MAGI1: variants seen among roughly 807,000 people sequenced by gnomAD.
The protein encoded by MAGI1 is membrane associated guanylate kinase, WW and PDZ domain containing 1.
A neutral mutation model predicts 139.9 loss-of-function variants in MAGI1; 58 were observed. The observed-to-expected ratio is 0.41, with a 90% confidence interval of 0.34 to 0.52. The LOEUF (loss-of-function observed/expected upper bound fraction) is 0.52, where lower values mean the gene tolerates loss of function less well. MAGI1 is among the 20% of genes least tolerant of loss of function. The pLI is 0.12. For synonymous variants in MAGI1, 812 were observed against 737.9 expected (o/e 1.10, Z -1.63); for missense variants, 1,874 against 1,901.6 (o/e 0.99, Z 0.27).
intron 1 of MAGI1, among the ~76,000 whole-genome samples, chr3:65,969,286 G>C (rs925943330): frequency 2.0e-5 from 3 of 152,130 alleles, no homozygotes; most frequent in Admixed American, 6.5e-5. Flanking sequence ...CCATTTCACC[G>C]GGAGCGGAGT....
At chr3:65,588,893 A>T (rs1036068843) in intron 2 of MAGI1, among the ~76,000 whole-genome samples, 1 of 152,210 alleles carries the variant, frequency 6.6e-6, no homozygotes, top group East Asian at 1.9e-4. Context: ...ATTAAGAAAT[A>T]AATATTTATA....
chr3:65,702,230 G>T (rs888722151), intron 1 of MAGI1, among the ~76,000 whole-genome samples: 2 of 152,102 alleles, frequency 1.3e-5, no homozygotes, highest in East Asian at 1.9e-4. Flanking sequence ...AGCTTATAAG[G>T]CCTCACCCTA....
chr3:65,558,311 T>C (rs1325827015), intron 2 of MAGI1, among the ~76,000 whole-genome samples: 3 of 152,168 alleles, frequency 2.0e-5, no homozygotes, highest in Non-Finnish European at 2.9e-5. Flanking sequence ...CTATGACTAT[T>C]GGTTGCAAGT....
chr3:65,407,332 A>T (rs1023299612), intron 12 of MAGI1, among the ~76,000 whole-genome samples: 2 of 152,000 alleles, frequency 1.3e-5, no homozygotes, highest in Non-Finnish European at 2.9e-5. Context: ...CTGTAATCCC[A>T]GCTACTCGGG....
rs532940873 is a variant in MAGI1 at position 65,645,871 on chromosome 3, T to G, written c.314-23783A>C. On this transcript the variant is annotated intron_variant, in intron 1 of 22. Transcript: ENST00000402939. ...AGCCCTTTTAGTATTATATATAATG[T>G]AACACATAAAGCAATACTAAAAAGG... Among the ~76,000 whole-genome samples the G allele has an allele frequency of 5.3e-5, 8 of 152,054 alleles. No homozygotes were observed. The East Asian group carries it at 1.5e-3, about 29-fold the overall frequency.
At chr3:65,617,040 C>G (rs1380165311) in intron 2 of MAGI1, among the ~76,000 whole-genome samples, 1 of 152,170 alleles carries the variant, frequency 6.6e-6, no homozygotes, top group Non-Finnish European at 1.5e-5. Context: ...TGCTAAAATG[C>G]CCTTTTGAAT....
intron 2 of MAGI1, chr3:65,499,060 TAA>T (rs60116533): frequency 1.1e-4 from 97 of 858,320 alleles, no homozygotes; most frequent in East Asian, 1.3e-4. Flanking sequence ...AAACCGCTCT[TAA>T]AAAAAAAAAA....
intron 1 of MAGI1, among the ~76,000 whole-genome samples, chr3:65,796,586 G>A (rs911378307): frequency 1.3e-5 from 2 of 152,148 alleles, no homozygotes; most frequent in South Asian, 4.2e-4. Flanking sequence ...GGGCAAGTTA[G>A]CTATTAATAA....
intron 1 of MAGI1, among the ~76,000 whole-genome samples, chr3:65,907,002 T>G (rs1307539858): frequency 6.6e-6 from 1 of 151,932 alleles, no homozygotes; most frequent in Non-Finnish European, 1.5e-5. Context: ...ATTTCCCTTT[T>G]GTCTCTAGCA....
intron 2 of MAGI1, among the ~76,000 whole-genome samples, chr3:65,501,643 T>C (rs2077087708): frequency 6.6e-6 from 1 of 152,128 alleles, no homozygotes; most frequent in Admixed American, 6.6e-5. Context: ...GGAAAGAGTT[T>C]GGCAGTTAGT....
chr3:65,702,576 G>A (rs2089690033), intron 1 of MAGI1, among the ~76,000 whole-genome samples: 1 of 151,878 alleles, frequency 6.6e-6, no homozygotes, highest in African/African-American at 2.4e-5. Context: ...TGGTCTTTTT[G>A]CTTGTTCTTT....
chr3:65,813,333 C>T (rs2016568), intron 1 of MAGI1, among the ~76,000 whole-genome samples: 4,314 of 152,122 alleles, frequency 0.028, 106 homozygotes, highest in Middle Eastern at 0.048. Context: ...CCAGGAAATC[C>T]TACAGCATGG....
At chr3:65,551,026 G>C (rs781356873) in intron 2 of MAGI1, among the ~76,000 whole-genome samples, 1 of 152,156 alleles carries the variant, frequency 6.6e-6, no homozygotes, top group Non-Finnish European at 1.5e-5. Context: ...AATCTCATCT[G>C]GAATTGTAAT....
At chr3:65,504,212 G>A (rs2077190951) in intron 2 of MAGI1, among the ~76,000 whole-genome samples, 3 of 152,118 alleles carry the variant, frequency 2.0e-5, no homozygotes, top group Non-Finnish European at 2.9e-5. Context: ...AAAACAAAAA[G>A]GGTAACTACT....
intron 1 of MAGI1, among the ~76,000 whole-genome samples, chr3:66,017,376 A>C (rs1317424475): frequency 6.6e-6 from 1 of 152,226 alleles, no homozygotes; most frequent in Non-Finnish European, 1.5e-5. Context: ...CTCCCTCCCA[A>C]CGGAGGGTGC....
intron 1 of MAGI1, among the ~76,000 whole-genome samples, chr3:65,936,590 CAA>C (rs747000741): frequency 4.3e-5 from 5 of 115,988 alleles, no homozygotes; most frequent in African/African-American, 3.2e-5. Context: ...GACTCCCTCT[CAA>C]AAAAAAAAAA....
chr3:65,377,763 T>C (rs922500487), intron 17 of MAGI1, among the ~76,000 whole-genome samples: 2 of 152,234 alleles, frequency 1.3e-5, no homozygotes, highest in Admixed American at 1.3e-4. Context: ...GATGACTTTA[T>C]TAATGTAGCT....
chr3:65,737,623 G>A (rs998649056), intron 1 of MAGI1, among the ~76,000 whole-genome samples: 6 of 152,144 alleles, frequency 3.9e-5, no homozygotes, highest in African/African-American at 1.4e-4. Context: ...CTGCCATATG[G>A]TGCCCGGTTT....
At chr3:65,968,514 A>T (rs1264874305) in intron 1 of MAGI1, among the ~76,000 whole-genome samples, 2 of 152,074 alleles carry the variant, frequency 1.3e-5, no homozygotes, top group East Asian at 3.9e-4. Flanking sequence ...GTGAAGTGGA[A>T]AAAAACAAGG....
Sources: gnomAD v4.1 joint callset for allele counts (sites outside exome capture counted in the v4.1 genomes callset) on GRCh38, gnomAD v4.1.1 for gene constraint, MANE v1.5 for transcripts, NCBI Gene and HGNC (gene_info 2026-07-23, HGNC 2026-07-21) for gene names.